Variants in ROBO2 observed in about 807,000 individuals in gnomAD.
The protein encoded by ROBO2 is roundabout homolog 2.
In ROBO2, 53 loss-of-function variants were observed where a neutral mutation model predicts 160.8. The ratio of observed to expected loss-of-function variants is 0.33; its 90% CI spans 0.26 to 0.41. The LOEUF (loss-of-function observed/expected upper bound fraction) is 0.41. Among genes scored for constraint, ROBO2 ranks in the 10% least tolerant of loss-of-function variants. The pLI, the probability that ROBO2 is intolerant of heterozygous loss-of-function variation, is 1.00. For missense variants in ROBO2, 1,577 were observed against 1,722.4 expected (o/e 0.92, Z 1.49); for synonymous variants, 664 against 611.7 (o/e 1.09, Z -1.26).
rs557062328 is a variant in ROBO2 at position 76,764,882 on chromosome 3, C to T, written c.110-333132C>T. On this transcript the variant is annotated intron_variant, in intron 2 of 26. Transcript: ENST00000487694. ...TATATATTTTGCCTTTCTTGATAGA[C>T]TTGCTGGCAAGTTTTAATTTTTTTT... 1.4e-4 allele frequency among the ~76,000 whole-genome samples: 21 copies of T among 151,796 alleles called. No homozygotes were observed. In the South Asian group the frequency reaches 4.3e-3, roughly 31 times the overall value.
At chr3:77,105,670 A>T (rs768143560) in intron 2 of ROBO2, among the ~76,000 whole-genome samples, 1 of 152,134 alleles carries the variant, frequency 6.6e-6, no homozygotes, top group African/African-American at 2.4e-5. Flanking sequence ...TTTTGATACG[A>T]GGTTTATTTC....
chr3:77,401,955 T>C (rs747733701), intron 2 of ROBO2, among the ~76,000 whole-genome samples: 10 of 152,160 alleles, frequency 6.6e-5, no homozygotes, highest in Non-Finnish European at 1.0e-4. Context: ...TTAGAAACCA[T>C]TCTACTATAA....
chr3:77,128,407 T>G (rs1464360207), intron 2 of ROBO2, among the ~76,000 whole-genome samples: 2 of 152,312 alleles, frequency 1.3e-5, no homozygotes, highest in African/African-American at 4.8e-5. Context: ...GTACTATCCC[T>G]GGTTTCAGAT....
At chr3:76,478,745 A>G (rs1022989791) in intron 2 of ROBO2, among the ~76,000 whole-genome samples, 1 of 146,392 alleles carries the variant, frequency 6.8e-6, no homozygotes, top group Non-Finnish European at 1.5e-5. Flanking sequence ...GCAGTGGCAT[A>G]ATTACTGCAG....
At chr3:76,989,803 A>G (rs1238686327) in intron 2 of ROBO2, among the ~76,000 whole-genome samples, 2 of 152,150 alleles carry the variant, frequency 1.3e-5, no homozygotes, top group African/African-American at 4.8e-5. Context: ...TTATAATGAC[A>G]GGTGAAATAA....
intron 2 of ROBO2, among the ~76,000 whole-genome samples, chr3:77,391,811 G>A (rs551454769): frequency 1.5e-4 from 23 of 152,072 alleles, no homozygotes; most frequent in African/African-American, 4.8e-4. Flanking sequence ...CTCCCAGCTC[G>A]GCCTTTCCAA....
At chr3:76,434,121 C>G in intron 2 of ROBO2, 1 of 1,245,216 alleles carries the variant, frequency 8.0e-7, no homozygotes, top group Non-Finnish European at 1.2e-6. Context: ...GGAGACAGCT[C>G]CATATGTGCA....
intron 2 of ROBO2, among the ~76,000 whole-genome samples, chr3:77,290,147 C>T (rs1324287841): frequency 8.0e-5 from 12 of 150,370 alleles, no homozygotes; most frequent in Admixed American, 1.3e-4. Flanking sequence ...GATGGTTAAA[C>T]GGGTAAGCTG....
chr3:76,319,780 A>C (rs1185224399), intron 2 of ROBO2, among the ~76,000 whole-genome samples: 1 of 151,930 alleles, frequency 6.6e-6, no homozygotes, highest in Non-Finnish European at 1.5e-5. Context: ...TGGCTTTCAA[A>C]ATACAAAGTT....
At chr3:76,150,606 C>G (rs966182592) in intron 2 of ROBO2, among the ~76,000 whole-genome samples, 8 of 152,182 alleles carry the variant, frequency 5.3e-5, no homozygotes, top group Non-Finnish European at 8.8e-5. Flanking sequence ...GTCTGAAACA[C>G]ACATCCCTAG....
intron 2 of ROBO2, among the ~76,000 whole-genome samples, chr3:76,978,319 C>G (rs551912329): frequency 6.6e-6 from 1 of 152,146 alleles, no homozygotes; most frequent in Non-Finnish European, 1.5e-5. Context: ...CTTATAGCCT[C>G]ACAATGCAAA....
intron 2 of ROBO2, among the ~76,000 whole-genome samples, chr3:77,436,645 G>T (rs533141854): frequency 6.6e-6 from 1 of 151,772 alleles, no homozygotes; most frequent in Non-Finnish European, 1.5e-5. Flanking sequence ...GATGTAAAAA[G>T]AACATAGAAA....
chr3:76,067,789 T>G (rs1400310412), intron 2 of ROBO2, among the ~76,000 whole-genome samples: 1 of 152,088 alleles, frequency 6.6e-6, no homozygotes, highest in African/African-American at 2.4e-5. Flanking sequence ...ACATTAATGT[T>G]GCTTTAGGAT....
chr3:76,373,240 C>T (rs1007918629), intron 2 of ROBO2, among the ~76,000 whole-genome samples: 11 of 151,790 alleles, frequency 7.2e-5, no homozygotes, highest in African/African-American at 1.9e-4. Flanking sequence ...TGGCTTTTTC[C>T]TCTCCCTGCC....
chr3:77,198,619 G>A (rs912672483), intron 2 of ROBO2, among the ~76,000 whole-genome samples: 3 of 152,120 alleles, frequency 2.0e-5, no homozygotes, highest in African/African-American at 7.2e-5. Context: ...TTTTATTTAC[G>A]GCCAGGCGCA....
intron 2 of ROBO2, among the ~76,000 whole-genome samples, chr3:76,980,437 T>G (rs1315148540): frequency 6.6e-6 from 1 of 152,118 alleles, no homozygotes; most frequent in East Asian, 1.9e-4. Context: ...CCCCTTTAAT[T>G]TTCTATACCA....
intron 2 of ROBO2, among the ~76,000 whole-genome samples, chr3:76,225,646 G>A (rs1400434383): frequency 6.6e-6 from 1 of 152,044 alleles, no homozygotes; most frequent in Non-Finnish European, 1.5e-5. Flanking sequence ...TCTGGGAGGT[G>A]GAGGTTGCAG....
chr3:76,062,334 A>AG (rs1194175454), intron 2 of ROBO2, among the ~76,000 whole-genome samples: 2 of 93,994 alleles, frequency 2.1e-5, no homozygotes, highest in African/African-American at 8.8e-5. Flanking sequence ...GTTGAAACAC[A>AG]ATTTTTTTTT....
intron 2 of ROBO2, among the ~76,000 whole-genome samples, chr3:76,981,432 A>G (rs1001050747): frequency 2.6e-5 from 4 of 152,204 alleles, no homozygotes; most frequent in Non-Finnish European, 5.9e-5. Context: ...CCTGATGGCT[A>G]TAACTTTGAA....
Sources: allele counts gnomAD v4.1 joint callset (sites outside exome capture counted in the v4.1 genomes callset), GRCh38; gene constraint gnomAD v4.1.1; transcripts MANE v1.5; gene names NCBI Gene and HGNC (gene_info 2026-07-23, HGNC 2026-07-21).